MAGI2: variants seen among roughly 807,000 people sequenced by gnomAD.
MAGI2 encodes membrane-associated guanylate kinase, WW and PDZ domain-containing protein 2.
A neutral mutation model predicts 133.3 loss-of-function variants in MAGI2; 35 were observed. That is an observed-to-expected ratio of 0.26 (90% CI 0.20 to 0.35). The LOEUF (loss-of-function observed/expected upper bound fraction) is 0.35, where lower values mean the gene tolerates loss of function less well. Among genes scored for constraint, MAGI2 ranks in the 10% least tolerant of loss-of-function variants. The pLI is 1.00. For missense variants in MAGI2, 1,636 were observed against 1,863.4 expected, an observed-to-expected ratio of 0.88 and a Z score of 2.25; for synonymous variants, 729 against 710.6, an observed-to-expected ratio of 1.03 and a Z score of -0.41.
In MAGI2 at chr7:78,950,087, C is replaced by T. The variant is rs535662556; in HGVS notation, c.418+57003G>A. 3.9e-5 allele frequency among the ~76,000 whole-genome samples: 6 copies of T among 152,192 alleles called. No homozygotes were observed. In the South Asian group the frequency reaches 1.2e-3, roughly 32 times the overall value. The stretch of plus-strand genomic sequence containing the variant: ...CTCCTCTGCATCTCCTCCCCTGCCT[C>T]CCCTCTCTTTTCCTCCCTTCTTCAT... On this transcript the variant is annotated intron_variant, in intron 2 of 21. Coordinates refer to ENST00000354212, the MANE Select transcript of MAGI2 (RefSeq NM_012301.4).
chr7:79,170,714 A>G (rs1426334164), intron 1 of MAGI2, among the ~76,000 whole-genome samples: 2 of 152,090 alleles, frequency 1.3e-5, no homozygotes, highest in African/African-American at 4.8e-5. Context: ...ATGTAAAAGG[A>G]TGCCATTGAG....
chr7:78,103,673 T>A (rs1171832828), intron 20 of MAGI2, among the ~76,000 whole-genome samples: 3 of 152,226 alleles, frequency 2.0e-5, no homozygotes, highest in Admixed American at 2.0e-4. Flanking sequence ...CCACAGTGCC[T>A]CACAGTGTCT....
chr7:78,860,091 AG>A, intron 2 of MAGI2, among the ~76,000 whole-genome samples: 1 of 152,274 alleles, frequency 6.6e-6, no homozygotes, highest in South Asian at 2.1e-4. Context: ...CAGCTCCATC[AG>A]GTCATTTAAG....
At chr7:78,952,846 T>A (rs1801984633) in intron 2 of MAGI2, among the ~76,000 whole-genome samples, 1 of 152,164 alleles carries the variant, frequency 6.6e-6, no homozygotes, top group South Asian at 2.1e-4. Context: ...CAGGAAGGGG[T>A]CATCCAAGGA....
At chr7:79,296,190 C>T (rs1471603375) in intron 1 of MAGI2, among the ~76,000 whole-genome samples, 2 of 152,270 alleles carry the variant, frequency 1.3e-5, no homozygotes, top group Middle Eastern at 3.4e-3. Flanking sequence ...CATTTCCACC[C>T]ATTCTGTGAT....
chr7:79,288,513 G>A (rs1836206477), intron 1 of MAGI2, among the ~76,000 whole-genome samples: 1 of 151,786 alleles, frequency 6.6e-6, no homozygotes, highest in African/African-American at 2.4e-5. Flanking sequence ...TACATTTTTT[G>A]GTACAGTAAA....
chr7:78,908,702 A>AG (rs1238512503), intron 2 of MAGI2, among the ~76,000 whole-genome samples: 8 of 152,236 alleles, frequency 5.3e-5, no homozygotes, highest in Non-Finnish European at 8.8e-5. Context: ...AATTTCATCA[A>AG]TGAATGTCAT....
intron 2 of MAGI2, among the ~76,000 whole-genome samples, chr7:78,963,153 C>G (rs1803000382): frequency 6.6e-6 from 1 of 152,096 alleles, no homozygotes; most frequent in African/African-American, 2.4e-5. Flanking sequence ...GCCACACTTA[C>G]TAGTTTACAT....
chr7:78,626,355 C>A (rs985670705), intron 3 of MAGI2, among the ~76,000 whole-genome samples: 1 of 152,086 alleles, frequency 6.6e-6, no homozygotes, highest in Non-Finnish European at 1.5e-5. Flanking sequence ...ATCATATCAA[C>A]ATACTGTTAC....
intron 9 of MAGI2, among the ~76,000 whole-genome samples, chr7:78,296,942 T>A (rs1378429192): frequency 5.3e-5 from 8 of 152,132 alleles, no homozygotes; most frequent in African/African-American, 1.9e-4. Flanking sequence ...TGAGGAGAAG[T>A]CATGTGCTAT....
At chr7:78,773,787 G>A (rs772446192) in intron 2 of MAGI2, among the ~76,000 whole-genome samples, 3 of 152,176 alleles carry the variant, frequency 2.0e-5, no homozygotes, top group Non-Finnish European at 2.9e-5. Flanking sequence ...AGGGCTGCGA[G>A]TGATCTTAAA....
At chr7:78,278,796 T>C (rs569411473) in intron 9 of MAGI2, among the ~76,000 whole-genome samples, 17 of 152,304 alleles carry the variant, frequency 1.1e-4, no homozygotes, top group Non-Finnish European at 8.8e-5. Flanking sequence ...TCCAGTCTGC[T>C]TCCCTGCCCT....
intron 1 of MAGI2, among the ~76,000 whole-genome samples, chr7:79,355,931 T>A (rs2129116191): frequency 6.6e-6 from 1 of 152,318 alleles, no homozygotes; most frequent in East Asian, 1.9e-4. Context: ...AATGATGTCT[T>A]TATGTATAAT....
chr7:78,974,398 A>G (rs964154699), intron 2 of MAGI2, among the ~76,000 whole-genome samples: 2 of 151,892 alleles, frequency 1.3e-5, no homozygotes, highest in African/African-American at 4.8e-5. Flanking sequence ...TTGTTAGCCA[A>G]TGAAAAGAAG....
Position 78,423,213 on chromosome 7 carries a change from G to A in MAGI2, c.1046-54000C>T, listed in dbSNP as rs140361297. On this transcript the variant is annotated intron_variant, in intron 6 of 21. Coordinates refer to ENST00000354212, the MANE Select transcript of MAGI2 (RefSeq NM_012301.4). The stretch of plus-strand genomic sequence containing the variant: ...GGCAGATCTTTCCTGTGATCTTCTC[G>A]TGATAGCGAATGAGCCTCACGAGAT... 6.1e-3 allele frequency among the ~76,000 whole-genome samples: 928 copies of A among 152,170 alleles called. 12 individuals carry two copies. Among genetic ancestry groups the A allele is most frequent in the African/African-American group, 0.021 (891 of 41,530 alleles).
At chr7:79,347,615 T>C (rs769457083) in intron 1 of MAGI2, among the ~76,000 whole-genome samples, 1 of 151,954 alleles carries the variant, frequency 6.6e-6, no homozygotes, top group Non-Finnish European at 1.5e-5. Flanking sequence ...GCTCCGTTCC[T>C]GCACTTCCAA....
intron 9 of MAGI2, among the ~76,000 whole-genome samples, chr7:78,291,792 A>T (rs183625391): frequency 6.2e-4 from 95 of 152,212 alleles, no homozygotes; most frequent in Admixed American, 1.2e-3. Flanking sequence ...GCAAATCAAT[A>T]AATGTAATTC....
intron 1 of MAGI2, among the ~76,000 whole-genome samples, chr7:79,213,711 C>T (rs547824175): frequency 3.3e-5 from 5 of 152,126 alleles, no homozygotes; most frequent in Admixed American, 2.0e-4. Context: ...ATGGGACTCT[C>T]GCAATTACTA....
At chr7:78,900,853 T>C (rs1383239246) in intron 2 of MAGI2, among the ~76,000 whole-genome samples, 1 of 152,190 alleles carries the variant, frequency 6.6e-6, no homozygotes, top group East Asian at 1.9e-4. Flanking sequence ...ACTCAATAAA[T>C]ACTTGTTGTG....
Sources: allele counts gnomAD v4.1 joint callset (sites outside exome capture counted in the v4.1 genomes callset), GRCh38; gene constraint gnomAD v4.1.1; transcripts MANE v1.5; gene names NCBI Gene and HGNC (gene_info 2026-07-23, HGNC 2026-07-21).